OPRD1: variants seen among roughly 807,000 people sequenced by gnomAD.
The protein encoded by OPRD1 is delta-type opioid receptor.
Under a neutral mutation model 17.5 loss-of-function variants are expected in OPRD1, and 19 were observed. The ratio of observed to expected loss-of-function variants is 1.09; its 90% confidence interval spans 0.76 to 1.60. The LOEUF (loss-of-function observed/expected upper bound fraction) is 1.60, where lower values mean the gene tolerates loss of function less well. Among genes scored for constraint, OPRD1 ranks in the 40% most tolerant of loss-of-function variants. The pLI, the probability that OPRD1 is intolerant of heterozygous loss-of-function variation, is 0.00. For synonymous variants in OPRD1, 256 were observed against 240.9 expected, an observed-to-expected ratio of 1.06 and a Z score of -0.58; for missense variants, 483 against 547.2, an observed-to-expected ratio of 0.88 and a Z score of 1.17.
chr1:28,859,405 C>G, intron 2 of OPRD1, 102 bp downstream of exon 2: 1 of 977,150 alleles, frequency 1.0e-6, no homozygotes, highest in Non-Finnish European at 1.5e-6. Flanking sequence ...GTGTAGGTGG[C>G]TCATCAGCAG....
intron 1 of OPRD1, among the ~76,000 whole-genome samples, chr1:28,831,154 G>T (rs2088805615): frequency 6.6e-6 from 1 of 152,214 alleles, no homozygotes; most frequent in African/African-American, 2.4e-5. Context: ...GAGCTGTCCT[G>T]CTGGGAGGGG....
Position 28,846,886 on chromosome 1 carries a change from C to CTT in OPRD1, c.228-12066_228-12065dup, listed in dbSNP as rs1260861442. 1.3e-3 allele frequency among the ~76,000 whole-genome samples: 74 copies of CTT among 55,488 alleles called. 2 individuals carry two copies. The East Asian group carries it at 0.21, about 154-fold the overall frequency. The allele number at this position is 55,488 out of a possible 152,430, so 36.4% of individuals were successfully genotyped here. A position where few individuals can be genotyped will look rare whatever the true frequency, so the allele number is the denominator to read the frequency against. On this transcript the variant is annotated intron_variant, in intron 1 of 2. Coordinates refer to ENST00000234961, the MANE Select transcript of OPRD1 (RefSeq NM_000911.4). ...TCTTTCTTTCTTTCTTTCTTTCTTT[C>CTT]TTTCTTTTCTCTTTCTTTCTTTTTC...
In OPRD1 at chr1:28,863,064, G is replaced by C. The variant is rs1327907306; in HGVS notation, c.900G>C (p.Leu300=). The stretch of plus-strand genomic sequence containing the variant: ...GCGACCCGCTGGTGGTGGCTGCGCT[G>C]CACCTGTGCATCGCGCTGGGCTACG... ...DRRDPLVVAA[L]HLCIALGYAN... The change falls in exon 3 of 3, where the codon CTG becomes CTC. Residue 300 remains leucine (L), a synonymous_variant. Coordinates refer to ENST00000234961, the MANE Select transcript of OPRD1 (RefSeq NM_000911.4). 1.2e-6 allele frequency: 2 copies of C among 1,606,166 alleles called. No individual in the cohort carries two copies. The highest frequency in any genetic ancestry group is 1.7e-6 in the Non-Finnish European group (2 of 1,176,278).
intron 1 of OPRD1, among the ~76,000 whole-genome samples, chr1:28,823,604 C>T (rs1038675292): frequency 6.6e-6 from 1 of 151,932 alleles, no homozygotes; most frequent in Admixed American, 6.6e-5. Context: ...CCATGTTGGC[C>T]GGGCTGGTCT....
At chr1:28,825,995 T>C (rs911882247) in intron 1 of OPRD1, among the ~76,000 whole-genome samples, 7 of 152,206 alleles carry the variant, frequency 4.6e-5, no homozygotes, top group Admixed American at 3.3e-4. Context: ...ACACAGTCCT[T>C]GCCCTCATGG....
At chr1:28,822,648 A>ATTT (rs11416681) in intron 1 of OPRD1, among the ~76,000 whole-genome samples, 1 of 145,944 alleles carries the variant, frequency 6.9e-6, no homozygotes, top group Admixed American at 6.8e-5. Context: ...TGCCCGGTTA[A>ATTT]TTTTTTTTTT....
chr1:28,869,178 C>T lies in OPRD1; in HGVS notation c.*5895C>T, dbSNP rs1356316777. On this transcript the variant is annotated 3_prime_UTR_variant, in exon 3 of 3. Coordinates refer to ENST00000234961, the MANE Select transcript of OPRD1 (RefSeq NM_000911.4). ...GCCTCTCTTTCATCATGTATTTATTCCTTTATTTCTGGGAGCCGGGAGGAG... is the reference window on the plus strand; with the variant it reads ...GCCTCTCTTTCATCATGTATTTATTTCTTTATTTCTGGGAGCCGGGAGGAG... The T allele has an allele frequency of 1.3e-5, 2 of 152,366 alleles. No homozygotes were observed. Among genetic ancestry groups the T allele is most frequent in the East Asian group, 3.8e-4 (2 of 5,204 alleles). The allele number at this position is 152,366 out of a possible 1,614,324, so 9.4% of individuals were successfully genotyped here. A position where few individuals can be genotyped will look rare whatever the true frequency, so the allele number is the denominator to read the frequency against.
In OPRD1 at chr1:28,864,663, C is replaced by T. The variant is rs1300853437; in HGVS notation, c.*1380C>T. On this transcript the variant is annotated 3_prime_UTR_variant, in exon 3 of 3. Coordinates refer to ENST00000234961, the MANE Select transcript of OPRD1 (RefSeq NM_000911.4). ...AAGGTGGATGCTTTCTGTGAGTCCC[C>T]AGGGCCCTAGTTTCTCTGGCCCAGA... 6.7e-6 allele frequency: 1 copy of T among 150,360 alleles called. No individual in the cohort carries two copies. Among genetic ancestry groups the T allele is most frequent in the East Asian group, 2.0e-4 (1 of 5,078 alleles). 9.3% of individuals were successfully genotyped at this position (150,360 alleles called of 1,614,324 possible). A position where few individuals can be genotyped will look rare whatever the true frequency, so the allele number is the denominator to read the frequency against.
At chr1:28,821,029 C>A (rs2088709047) in intron 1 of OPRD1, among the ~76,000 whole-genome samples, 1 of 152,160 alleles carries the variant, frequency 6.6e-6, no homozygotes, top group Admixed American at 6.6e-5. Context: ...GAGAAAAGAG[C>A]TTTTTCATTT....
At chr1:28,838,007 C>T (rs1435279238) in intron 1 of OPRD1, among the ~76,000 whole-genome samples, 1 of 151,660 alleles carries the variant, frequency 6.6e-6, no homozygotes, top group Non-Finnish European at 1.5e-5. Flanking sequence ...CTTTCCTCCT[C>T]TGTACACTGA....
At chr1:28,846,673 ACT>A (rs1216912621) in intron 1 of OPRD1, among the ~76,000 whole-genome samples, 1 of 135,332 alleles carries the variant, frequency 7.4e-6, no homozygotes, top group Non-Finnish European at 1.6e-5. Context: ...ACAGAGCAAG[ACT>A]CTGTCTCAAA....
chr1:28,829,636 T>C (rs2124267480), intron 1 of OPRD1, among the ~76,000 whole-genome samples: 1 of 152,292 alleles, frequency 6.6e-6, no homozygotes, highest in Non-Finnish European at 1.5e-5. Context: ...CCCAAAGTGC[T>C]GGGATTACAG....
intron 1 of OPRD1, among the ~76,000 whole-genome samples, chr1:28,855,319 C>T (rs1360885788): frequency 3.9e-5 from 6 of 152,060 alleles, no homozygotes; most frequent in South Asian, 4.1e-4. Context: ...GAGGTGGGAG[C>T]GGGCTTGACG....
chr1:28,864,632 C>T lies in OPRD1; in HGVS notation c.*1349C>T, dbSNP rs1161119176. ...GCTCCTGCTTCAAGGTTAGGTCTTCCAGTGGAAGGTGGATGCTTTCTGTGA... is the reference window on the plus strand; with the variant it reads ...GCTCCTGCTTCAAGGTTAGGTCTTCTAGTGGAAGGTGGATGCTTTCTGTGA... On this transcript the variant is annotated 3_prime_UTR_variant, in exon 3 of 3. Coordinates refer to ENST00000234961, the MANE Select transcript of OPRD1 (RefSeq NM_000911.4). 6.6e-6 allele frequency: 1 copy of T among 152,008 alleles called. No homozygotes were observed. Among genetic ancestry groups the T allele is most frequent in the African/African-American group, 2.4e-5 (1 of 41,356 alleles). 9.4% of individuals were successfully genotyped at this position (152,008 alleles called of 1,614,324 possible). A position where few individuals can be genotyped will look rare whatever the true frequency, so the allele number is the denominator to read the frequency against.
chr1:28,845,748 T>C (rs1281715310), intron 1 of OPRD1, among the ~76,000 whole-genome samples: 1 of 152,090 alleles, frequency 6.6e-6, no homozygotes, highest in African/African-American at 2.4e-5. Flanking sequence ...TTTTTGTATA[T>C]GGTGTAAGGG....
intron 1 of OPRD1, among the ~76,000 whole-genome samples, chr1:28,812,871 C>T (rs2088644287): frequency 6.6e-6 from 1 of 151,748 alleles, no homozygotes; most frequent in Non-Finnish European, 1.5e-5. Flanking sequence ...CTGTTGGCAT[C>T]CCCTTGCTTC....
Position 28,859,266 on chromosome 1 carries a change from C to A in OPRD1, c.540C>A (p.Gly180=), listed in dbSNP as rs566634367. 1 of 1,614,044 alleles carries A rather than the reference C, an allele frequency of 6.2e-7. No homozygotes were observed. The highest frequency in any genetic ancestry group is 1.7e-5 in the Admixed American group (1 of 60,028). ...ICIWVLASGV[G]VPIMVMAVTR... is the part of the protein sequence containing the mutation. ...TCTGGGTCCTGGCCTCAGGCGTTGG[C>A]GTGCCCATCATGGTCATGGCTGTGA... Residue 180 remains glycine, a synonymous_variant, in exon 2 of 3, where the codon GGC becomes GGA. Coordinates refer to ENST00000234961, the MANE Select transcript of OPRD1 (RefSeq NM_000911.4).
chr1:28,823,637 G>A (rs373476198), intron 1 of OPRD1, among the ~76,000 whole-genome samples: 7 of 151,706 alleles, frequency 4.6e-5, no homozygotes, highest in African/African-American at 7.3e-5. Context: ...CTTGTGATCC[G>A]CCTGCCTTGG....
rs147095418 is a variant in OPRD1 at position 28,856,235 on chromosome 1, A to T, written c.228-2719A>T. Among the ~76,000 whole-genome samples, 384 of 152,292 alleles carry T rather than the reference A, an allele frequency of 2.5e-3. 1 individual carries two copies. Among genetic ancestry groups the T allele is most frequent in the African/African-American group, 8.9e-3 (370 of 41,568 alleles). ...GAGTCCTGCTGCCTCTCTGGGCTTCAATCTCCCTGTCTCTCCCAAATGGAG... is the reference window on the plus strand; with the variant it reads ...GAGTCCTGCTGCCTCTCTGGGCTTCTATCTCCCTGTCTCTCCCAAATGGAG... On this transcript the variant is annotated intron_variant, in intron 1 of 2. Transcript: ENST00000234961.
Sources: allele counts gnomAD v4.1 joint callset (sites outside exome capture counted in the v4.1 genomes callset), GRCh38; gene constraint gnomAD v4.1.1; transcripts MANE v1.5; gene names NCBI Gene and HGNC (gene_info 2026-07-23, HGNC 2026-07-21).